The following PTPRT variants were observed in gnomAD, a reference collection of about 807,000 sequenced individuals.
PTPRT encodes receptor-type tyrosine-protein phosphatase T.
A neutral mutation model predicts 176.8 loss-of-function variants in PTPRT; 56 were observed. That is an observed-to-expected ratio of 0.32 (90% CI 0.26 to 0.40). The LOEUF (loss-of-function observed/expected upper bound fraction) is 0.40. Ranked by LOEUF, PTPRT falls within the 10% of genes least tolerant of loss-of-function variation. The pLI is 1.00. For missense variants in PTPRT, 1,540 were observed against 1,908.2 expected (o/e 0.81, Z 3.60); for synonymous variants, 783 against 739.0 (o/e 1.06, Z -0.96).
intron 23 of PTPRT, among the ~76,000 whole-genome samples, chr20:42,108,249 T>C (rs1986660327): frequency 1.2e-5 from 1 of 81,580 alleles, no homozygotes; most frequent in South Asian, 2.9e-4. Context: ...CAAAGCTGTG[T>C]TTATTTCATT....
intron 1 of PTPRT, among the ~76,000 whole-genome samples, chr20:43,144,599 T>A (rs988456235): frequency 5.9e-5 from 9 of 152,164 alleles, no homozygotes; most frequent in African/African-American, 2.2e-4. Flanking sequence ...TCAATTTTTA[T>A]GAAATGTCCA....
chr20:42,107,813 C>A (rs929327921), intron 23 of PTPRT, among the ~76,000 whole-genome samples: 2 of 152,162 alleles, frequency 1.3e-5, no homozygotes, highest in Non-Finnish European at 2.9e-5. Context: ...AGAGATGGAA[C>A]AAGACAAAAA....
intron 1 of PTPRT, among the ~76,000 whole-genome samples, chr20:42,895,113 C>T (rs557579993): frequency 1.3e-5 from 2 of 152,326 alleles, no homozygotes; most frequent in South Asian, 4.1e-4. Context: ...TAAATATTTT[C>T]AGCTTTGCAG....
chr20:42,963,023 C>G (rs1184604778), intron 1 of PTPRT, among the ~76,000 whole-genome samples: 1 of 151,988 alleles, frequency 6.6e-6, no homozygotes, highest in East Asian at 1.9e-4. Flanking sequence ...ATGGTGAAAC[C>G]CCGTCTCTAT....
At chr20:42,725,444 C>A (rs1464858433) in intron 6 of PTPRT, among the ~76,000 whole-genome samples, 2 of 151,854 alleles carry the variant, frequency 1.3e-5, no homozygotes, top group African/African-American at 2.4e-5. Flanking sequence ...ATGAGGTAGA[C>A]AAACACTTGT....
chr20:43,091,283 G>A (rs187363990), intron 1 of PTPRT, among the ~76,000 whole-genome samples: 28 of 152,174 alleles, frequency 1.8e-4, no homozygotes, highest in South Asian at 6.2e-4. Flanking sequence ...GAGAAGTGGC[G>A]TGCAGACAAA....
intron 12 of PTPRT, among the ~76,000 whole-genome samples, chr20:42,304,692 A>G (rs1032429306): frequency 6.6e-6 from 1 of 152,204 alleles, no homozygotes; most frequent in African/African-American, 2.4e-5. Flanking sequence ...CAAGAAATAG[A>G]ATCCGTGAGT....
intron 16 of PTPRT, among the ~76,000 whole-genome samples, chr20:42,163,642 T>C (rs1348143436): frequency 2.6e-5 from 4 of 151,998 alleles, no homozygotes; most frequent in Admixed American, 1.3e-4. Context: ...AGCAAGGAAA[T>C]AGACGAGAAG....
Position 42,084,671 on chromosome 20 carries a change from C to T in PTPRT, c.4136+11G>A. 5 of 1,471,030 alleles carry T rather than the reference C, an allele frequency of 3.4e-6. No individual in the cohort carries two copies. Among genetic ancestry groups the T allele is most frequent in the Non-Finnish European group, 3.6e-6 (4 of 1,097,966 alleles). 91.1% of individuals were successfully genotyped at this position (1,471,030 alleles called of 1,614,324 possible). On this transcript the variant is annotated intron_variant, in intron 29 of 30. Transcript: ENST00000373187. ...ACCCTATTGCCCTGGTGACACCTCC[C>T]TAGTACTCACAGGCAGTGGACCACA... is the stretch of plus-strand genomic sequence containing the variant.
At chr20:42,967,255 G>A (rs1000271373) in intron 1 of PTPRT, among the ~76,000 whole-genome samples, 4 of 152,114 alleles carry the variant, frequency 2.6e-5, no homozygotes, top group Non-Finnish European at 4.4e-5. Flanking sequence ...GACCTTATTT[G>A]GAAAACGGGT....
intron 13 of PTPRT, among the ~76,000 whole-genome samples, chr20:42,272,709 A>G (rs536697264): frequency 2.4e-5 from 3 of 127,300 alleles, no homozygotes; most frequent in South Asian, 4.9e-4. Flanking sequence ...ATGCGTGCAC[A>G]CACACGTGCG....
At chr20:42,762,110 C>T (rs530368002) in intron 5 of PTPRT, among the ~76,000 whole-genome samples, 19 of 152,274 alleles carry the variant, frequency 1.2e-4, no homozygotes, top group Non-Finnish European at 5.9e-5. Flanking sequence ...GACCTTAGGT[C>T]AGAAATATAT....
At chr20:42,274,183 G>T (rs1308684762) in intron 13 of PTPRT, among the ~76,000 whole-genome samples, 3 of 152,224 alleles carry the variant, frequency 2.0e-5, no homozygotes, top group Non-Finnish European at 4.4e-5. Context: ...CAGTTGGGCT[G>T]TTGTCATGTG....
intron 27 of PTPRT, among the ~76,000 whole-genome samples, chr20:42,092,768 G>C (rs1006695383): frequency 8.5e-5 from 13 of 152,198 alleles, no homozygotes; most frequent in African/African-American, 3.1e-4. Flanking sequence ...GGCAGCAAGA[G>C]ACATCTCTGA....
intron 13 of PTPRT, among the ~76,000 whole-genome samples, chr20:42,272,455 G>A (rs761092311): frequency 3.3e-5 from 5 of 151,706 alleles, no homozygotes; most frequent in South Asian, 2.1e-4. Context: ...AAAGACTGTC[G>A]CCCTCACATG....
the PTPRT span, among the ~76,000 whole-genome samples, chr20:42,034,822 C>T: frequency 2.0e-5 from 3 of 152,132 alleles, no homozygotes; most frequent in Non-Finnish European, 4.4e-5. Flanking sequence ...ATCTGGTTTG[C>T]TTCTACTCAT....
chr20:42,097,557 A>G lies in PTPRT; in HGVS notation c.3846+864T>C, dbSNP rs181747199. Among the ~76,000 whole-genome samples the G allele has an allele frequency of 2.0e-4, 31 of 152,260 alleles. 1 individual carries two copies. In the South Asian group the frequency reaches 4.6e-3, roughly 22 times the overall value. ...GCACTTCACTGCTGACCTCTATTAT[A>G]ACACAGCCACATGAGGTTGGGACAA... On this transcript the variant is annotated intron_variant, in intron 27 of 30. Transcript: ENST00000373187.
At chr20:42,487,511 C>T (rs1469668807) in intron 7 of PTPRT, among the ~76,000 whole-genome samples, 1 of 152,138 alleles carries the variant, frequency 6.6e-6, no homozygotes, top group Non-Finnish European at 1.5e-5. Context: ...GATTAAGGAT[C>T]TTGAACTGGG....
chr20:42,186,013 A>G (rs1458822943), intron 16 of PTPRT, among the ~76,000 whole-genome samples: 1 of 152,082 alleles, frequency 6.6e-6, no homozygotes, highest in Non-Finnish European at 1.5e-5. Flanking sequence ...AAAAAGGTGG[A>G]ATACAATTCT....
Sources: allele counts gnomAD v4.1 joint callset (sites outside exome capture counted in the v4.1 genomes callset), GRCh38; gene constraint gnomAD v4.1.1; transcripts MANE v1.5; gene names NCBI Gene and HGNC (gene_info 2026-07-23, HGNC 2026-07-21).